PRKG1: variants seen among roughly 807,000 people sequenced by gnomAD.
PRKG1 encodes protein kinase cGMP-dependent 1.
PRKG1 carries 35 observed loss-of-function variants against 88.1 expected under a neutral mutation model. The ratio of observed to expected loss-of-function variants is 0.40; its 90% CI spans 0.30 to 0.53. The LOEUF (loss-of-function observed/expected upper bound fraction) is 0.53. Ranked by LOEUF, PRKG1 falls within the 20% of genes least tolerant of loss-of-function variation. The probability of loss-of-function intolerance (pLI) is 0.59; values close to 1 mark genes in which losing one functional copy is unlikely to be tolerated. For missense variants in PRKG1, 540 were observed against 839.8 expected (o/e 0.64, Z 4.41); for synonymous variants, 303 against 292.5 (o/e 1.04, Z -0.37).
At chr10:51,861,254 T>C (rs1339227036) in intron 4 of PRKG1, among the ~76,000 whole-genome samples, 1 of 152,136 alleles carries the variant, frequency 6.6e-6, no homozygotes, top group African/African-American at 2.4e-5. Flanking sequence ...AAAAAGTCAG[T>C]AAGGGTAGAA....
chr10:51,813,781 G>A (rs2132628179), intron 4 of PRKG1, among the ~76,000 whole-genome samples: 1 of 152,126 alleles, frequency 6.6e-6, no homozygotes, highest in South Asian at 2.1e-4. Flanking sequence ...TTTGTTCTTG[G>A]AGTACCTGGG....
At chr10:51,038,032 C>G (rs1843375110) in intron 1 of PRKG1, among the ~76,000 whole-genome samples, 1 of 152,120 alleles carries the variant, frequency 6.6e-6, no homozygotes, top group Non-Finnish European at 1.5e-5. Flanking sequence ...AGGCCAGAAC[C>G]AATTATGTGT....
intron 2 of PRKG1, among the ~76,000 whole-genome samples, chr10:51,167,427 C>T (rs1044709986): frequency 1.6e-4 from 25 of 152,072 alleles, no homozygotes; most frequent in Non-Finnish European, 3.5e-4. Context: ...ATACATAGGG[C>T]CCTGTAAGTA....
intron 8 of PRKG1, among the ~76,000 whole-genome samples, chr10:52,149,449 C>G (rs946689220): frequency 6.6e-6 from 1 of 152,012 alleles, no homozygotes; most frequent in African/African-American, 2.4e-5. Flanking sequence ...CCCAATGTGA[C>G]TGTATTTTGA....
chr10:51,987,649 C>A (rs780749294), intron 5 of PRKG1, among the ~76,000 whole-genome samples: 3 of 151,936 alleles, frequency 2.0e-5, no homozygotes, highest in Non-Finnish European at 4.4e-5. Context: ...TATCTCCAAC[C>A]GTAAAATTCA....
At chr10:51,649,386 A>AT (rs200421342) in intron 3 of PRKG1, among the ~76,000 whole-genome samples, 114 of 150,710 alleles carry the variant, frequency 7.6e-4, no homozygotes, top group African/African-American at 2.6e-3. Flanking sequence ...TAATGATTTA[A>AT]TTTTTTTTTT....
At chr10:51,561,028 C>T (rs1273921715) in intron 3 of PRKG1, among the ~76,000 whole-genome samples, 1 of 151,658 alleles carries the variant, frequency 6.6e-6, no homozygotes, top group Non-Finnish European at 1.5e-5. Context: ...GAGAGGATTT[C>T]TTGAGCCCAG....
chr10:51,883,242 G>C (rs1425104867), intron 4 of PRKG1, among the ~76,000 whole-genome samples: 4 of 152,202 alleles, frequency 2.6e-5, no homozygotes, highest in Non-Finnish European at 5.9e-5. Flanking sequence ...GACTCTAGCT[G>C]AATTACACCA....
chr10:52,068,871 AG>A (rs1846425348), intron 7 of PRKG1, among the ~76,000 whole-genome samples: 1 of 152,220 alleles, frequency 6.6e-6, no homozygotes, highest in Non-Finnish European at 1.5e-5. Flanking sequence ...GTTAGGTCAT[AG>A]CTTCTGGTTC....
Position 51,727,300 on chromosome 10 carries a change from A to ATTTT in PRKG1, c.593-77280_593-77277dup, listed in dbSNP as rs1256413515. Reference sequence around the variant, plus strand: ...AAAAAAAAAAAATATATATATATATATTTTTTTTACTTTTCTCAGAGTTAT... The same window carrying ATTTT: ...AAAAAAAAAAAATATATATATATATATTTTTTTTTTTTACTTTTCTCAGAGTTAT... On this transcript the variant is annotated intron_variant, in intron 3 of 17. Transcript: ENST00000373980. 2.3e-3 allele frequency among the ~76,000 whole-genome samples: 337 copies of ATTTT among 144,906 alleles called. 4 individuals are homozygous for ATTTT. The highest frequency in any genetic ancestry group is 8.4e-3 in the African/African-American group (330 of 39,440).
In PRKG1 at chr10:51,990,105, C is replaced by T. The variant is rs144173662; in HGVS notation, c.763-64379C>T. Among the ~76,000 whole-genome samples, 255 of 152,170 alleles carry T rather than the reference C, an allele frequency of 1.7e-3. 1 individual carries two copies. Among genetic ancestry groups the T allele is most frequent in the Middle Eastern group, 6.8e-3 (2 of 294 alleles). On this transcript the variant is annotated intron_variant, in intron 5 of 17. Transcript: ENST00000373980. Reference sequence around the variant, plus strand: ...GACTGCCCTTTCCTCACTGTACATTCTTGGCACCTTTGTCAAAAATCAATT... The same window carrying T: ...GACTGCCCTTTCCTCACTGTACATTTTTGGCACCTTTGTCAAAAATCAATT...
In PRKG1 at chr10:51,125,405, T is replaced by C. The variant is rs145527048; in HGVS notation, c.312-27759T>C. On this transcript the variant is annotated intron_variant, in intron 1 of 17. Coordinates refer to ENST00000373980, the MANE Select transcript of PRKG1 (RefSeq NM_006258.4). The stretch of plus-strand genomic sequence containing the variant: ...AATTATATAAATTTATTTAAAAATT[T>C]GGCCAGGCACAGTGGCTGAAGCCTG... Among the ~76,000 whole-genome samples, 312 of 150,884 alleles carry C rather than the reference T, an allele frequency of 2.1e-3. 2 individuals carry two copies. Among genetic ancestry groups the C allele is most frequent in the African/African-American group, 7.3e-3 (303 of 41,404 alleles).
At chr10:51,206,958 G>A (rs541549887) in intron 2 of PRKG1, among the ~76,000 whole-genome samples, 2 of 152,278 alleles carry the variant, frequency 1.3e-5, no homozygotes, top group South Asian at 4.1e-4. Context: ...TTTCTTATTG[G>A]AAAATGAATC....
chr10:52,016,504 A>G (rs1422798730), intron 5 of PRKG1, among the ~76,000 whole-genome samples: 1 of 152,216 alleles, frequency 6.6e-6, no homozygotes, highest in Non-Finnish European at 1.5e-5. Flanking sequence ...CACAGAGCCA[A>G]ACTATATCAA....
chr10:51,749,137 T>C (rs962722927), intron 3 of PRKG1, among the ~76,000 whole-genome samples: 1 of 152,218 alleles, frequency 6.6e-6, no homozygotes, highest in Non-Finnish European at 1.5e-5. Flanking sequence ...ATACATACAC[T>C]ACATTGTTGA....
Position 51,487,496 on chromosome 10 carries a change from C to T in PRKG1, c.592+19660C>T, listed in dbSNP as rs571167596. ...GATTAAAAAACTCAGTAGGGAGTTG[C>T]GGTAGTTGAGGTGGATGTGGCCCCC... On this transcript the variant is annotated intron_variant, in intron 3 of 17. Coordinates refer to ENST00000373980, the MANE Select transcript of PRKG1 (RefSeq NM_006258.4). Among the ~76,000 whole-genome samples, 7 of 152,172 alleles carry T rather than the reference C, an allele frequency of 4.6e-5. No homozygotes were observed. The South Asian group carries it at 1.2e-3, about 27-fold the overall frequency.
intron 2 of PRKG1, among the ~76,000 whole-genome samples, chr10:51,313,695 A>C (rs1340561790): frequency 6.6e-6 from 1 of 152,178 alleles, no homozygotes; most frequent in Non-Finnish European, 1.5e-5. Flanking sequence ...CAGGACCCAG[A>C]GCGGGTACCA....
rs777040411 is a variant in PRKG1, at chr10:51,074,684, T to C, written c.94T>C (p.Leu32=). 3 of 1,613,758 alleles carry C rather than the reference T, an allele frequency of 1.9e-6. No individual in the cohort carries two copies. Among genetic ancestry groups the C allele is most frequent in the Non-Finnish European group, 2.5e-6 (3 of 1,179,884 alleles). Residue 32 remains leucine (L), a synonymous_variant, in exon 1 of 18, where the codon TTG becomes CTG. Transcript: ENST00000373980. The part of the protein sequence containing the change: ...DALIDELELE[L]DQKDELIQKL... ...TCTCATCGACGAGCTGGAGCTGGAG[T>C]TGGATCAGAAGGACGAACTGATCCA...
intron 5 of PRKG1, among the ~76,000 whole-genome samples, chr10:51,939,369 G>T (rs1326646277): frequency 4.0e-5 from 6 of 151,784 alleles, no homozygotes; most frequent in Non-Finnish European, 2.9e-5. Context: ...ATTTGGTTTT[G>T]TTGATTTTAA....
Sources: allele counts gnomAD v4.1 joint callset (sites outside exome capture counted in the v4.1 genomes callset), GRCh38; gene constraint gnomAD v4.1.1; transcripts MANE v1.5; gene names NCBI Gene and HGNC (gene_info 2026-07-23, HGNC 2026-07-21).